Variants in CDH13 observed in about 807,000 individuals in gnomAD.
CDH13 encodes cadherin-13.
A neutral mutation model predicts 63.8 loss-of-function variants in CDH13; 24 were observed. The ratio of observed to expected loss-of-function variants is 0.38; its 90% CI spans 0.27 to 0.53. The LOEUF (loss-of-function observed/expected upper bound fraction) is 0.53, where lower values mean the gene tolerates loss of function less well. CDH13 is among the 20% of genes least tolerant of loss of function. The probability of loss-of-function intolerance (pLI) is 0.85; values close to 1 mark genes in which losing one functional copy is unlikely to be tolerated. For missense variants in CDH13, 1,049 were observed against 903.1 expected, an observed-to-expected ratio of 1.16 and a Z score of -2.07; for synonymous variants, 503 against 355.3, an observed-to-expected ratio of 1.42 and a Z score of -4.67.
intron 1 of CDH13, among the ~76,000 whole-genome samples, chr16:82,706,130 T>C (rs930517587): frequency 3.3e-5 from 5 of 151,902 alleles, no homozygotes; most frequent in Non-Finnish European, 4.4e-5. Context: ...CTCCTCCCCA[T>C]CTTCTTTCCC....
intron 2 of CDH13, among the ~76,000 whole-genome samples, chr16:82,955,793 A>T (rs1330239962): frequency 6.6e-6 from 1 of 152,206 alleles, no homozygotes; most frequent in Non-Finnish European, 1.5e-5. Context: ...CCCTGAATCT[A>T]AGGCAAGCTC....
intron 8 of CDH13, among the ~76,000 whole-genome samples, chr16:83,632,792 G>A (rs1910902423): frequency 1.3e-5 from 1 of 79,924 alleles, no homozygotes; most frequent in Non-Finnish European, 2.9e-5. Context: ...CTGCTCTATA[G>A]GCAGAGCAAC....
intron 1 of CDH13, among the ~76,000 whole-genome samples, chr16:82,730,454 C>T (rs975455074): frequency 6.6e-6 from 1 of 152,142 alleles, no homozygotes; most frequent in Non-Finnish European, 1.5e-5. Flanking sequence ...AGCAGTAAGG[C>T]CATACACATA....
chr16:83,334,584 C>G (rs938085713), intron 5 of CDH13, among the ~76,000 whole-genome samples: 2 of 151,842 alleles, frequency 1.3e-5, no homozygotes, highest in Admixed American at 1.3e-4. Flanking sequence ...CTACATTGCT[C>G]AGGCTGGTCT....
intron 11 of CDH13, among the ~76,000 whole-genome samples, chr16:83,766,443 C>T (rs1037478536): frequency 6.6e-6 from 1 of 152,184 alleles, no homozygotes. Context: ...ATGCTGAGCA[C>T]TTATTATATG....
intron 8 of CDH13, among the ~76,000 whole-genome samples, chr16:83,604,479 C>T (rs900455228): frequency 6.6e-6 from 1 of 152,136 alleles, no homozygotes; most frequent in African/African-American, 2.4e-5. Flanking sequence ...GTGGGAAACA[C>T]TGAATTGATT....
chr16:83,134,225 C>G (rs1409136620), intron 4 of CDH13, among the ~76,000 whole-genome samples: 1 of 152,118 alleles, frequency 6.6e-6, no homozygotes, highest in African/African-American at 2.4e-5. Context: ...CAGAGTCTCG[C>G]TCTGTCGCCC....
chr16:83,670,466 C>T (rs982823261), intron 8 of CDH13, among the ~76,000 whole-genome samples: 6 of 152,172 alleles, frequency 3.9e-5, no homozygotes, highest in African/African-American at 1.4e-4. Flanking sequence ...TTTTGTGGTC[C>T]TCTGCATTCA....
At chr16:82,762,857 G>T (rs1020791154) in intron 1 of CDH13, among the ~76,000 whole-genome samples, 1 of 152,054 alleles carries the variant, frequency 6.6e-6, no homozygotes, top group Non-Finnish European at 1.5e-5. Context: ...GGTTTGGGTG[G>T]GCACTCTCTT....
intron 3 of CDH13, among the ~76,000 whole-genome samples, chr16:83,070,855 GCC>G (rs34273611): frequency 0.095 from 11,530 of 121,750 alleles, 760 homozygotes; most frequent in African/African-American, 0.19. Context: ...GTAATAAACA[GCC>G]CCCCCCCCCC....
chr16:83,521,004 C>G (rs1025517889), intron 7 of CDH13, among the ~76,000 whole-genome samples: 2 of 152,070 alleles, frequency 1.3e-5, no homozygotes, highest in Non-Finnish European at 2.9e-5. Context: ...TTAAATTTCA[C>G]CTTTGTAATG....
intron 3 of CDH13, among the ~76,000 whole-genome samples, chr16:83,068,469 A>G (rs2032189717): frequency 6.6e-6 from 1 of 152,154 alleles, no homozygotes; most frequent in African/African-American, 2.4e-5. Flanking sequence ...GGTTTGGCGA[A>G]TGTTGAGCAA....
At chr16:83,062,446 A>G (rs1452383333) in intron 3 of CDH13, among the ~76,000 whole-genome samples, 1 of 152,202 alleles carries the variant, frequency 6.6e-6, no homozygotes, top group Non-Finnish European at 1.5e-5. Context: ...CAATGTGGTA[A>G]GTGAATTTCT....
At chr16:83,773,949 C>T (rs1199742762) in intron 11 of CDH13, among the ~76,000 whole-genome samples, 1 of 152,172 alleles carries the variant, frequency 6.6e-6, no homozygotes, top group East Asian at 1.9e-4. Flanking sequence ...CCTTCCCTGC[C>T]TGGCATGGTC....
At chr16:83,784,241 C>T (rs1297392124) in intron 13 of CDH13, among the ~76,000 whole-genome samples, 1 of 152,116 alleles carries the variant, frequency 6.6e-6, no homozygotes, top group Non-Finnish European at 1.5e-5. Context: ...GTTTTTTATC[C>T]TACTGACAGT....
chr16:82,773,238 A>T (rs1381895491), intron 1 of CDH13: 2 of 152,234 alleles, frequency 1.3e-5, no homozygotes, highest in African/African-American at 2.4e-5. Context: ...AAGAGAGATA[A>T]ATGTCCCTCT....
chr16:83,392,826 C>G (rs1347608976), intron 6 of CDH13, among the ~76,000 whole-genome samples: 3 of 152,098 alleles, frequency 2.0e-5, no homozygotes, highest in Non-Finnish European at 4.4e-5. Flanking sequence ...AAAGGAAAAT[C>G]TCGGTGGAGG....
At chr16:83,297,767 A>T (rs2089636763) in intron 5 of CDH13, among the ~76,000 whole-genome samples, 1 of 152,214 alleles carries the variant, frequency 6.6e-6, no homozygotes, top group Non-Finnish European at 1.5e-5. Flanking sequence ...ATGAAGAAAC[A>T]TACAAATGAC....
intron 2 of CDH13, among the ~76,000 whole-genome samples, chr16:82,866,427 C>T (rs577216263): frequency 2.2e-4 from 24 of 107,376 alleles, no homozygotes; most frequent in Admixed American, 1.2e-3. Flanking sequence ...CTCACTTTGT[C>T]GCCCAGGCTG....
Sources: gnomAD v4.1 joint callset for allele counts (sites outside exome capture counted in the v4.1 genomes callset) on GRCh38, gnomAD v4.1.1 for gene constraint, MANE v1.5 for transcripts, NCBI Gene and HGNC (gene_info 2026-07-23, HGNC 2026-07-21) for gene names.